The following MAML2 variants were observed in gnomAD, a reference collection of about 807,000 sequenced individuals.
The protein encoded by MAML2 is mastermind-like protein 2.
A neutral mutation model predicts 96.1 loss-of-function variants in MAML2; 22 were observed. The ratio of observed to expected loss-of-function variants is 0.23; its 90% CI spans 0.16 to 0.33. MAML2 has a LOEUF of 0.33. MAML2 is among the 10% of genes least tolerant of loss of function. The pLI is 1.00. For synonymous variants in MAML2, 561 were observed against 521.3 expected (o/e 1.08, Z -1.04); for missense variants, 1,367 against 1,392.4 (o/e 0.98, Z 0.29).
intron 1 of MAML2, among the ~76,000 whole-genome samples, chr11:96,265,420 G>T (rs569732706): frequency 6.6e-6 from 1 of 152,298 alleles, no homozygotes; most frequent in African/African-American, 2.4e-5. Flanking sequence ...GTTCAAAAGA[G>T]AAGGAACACA....
intron 1 of MAML2, among the ~76,000 whole-genome samples, chr11:96,193,036 T>C (rs1482162643): frequency 6.6e-6 from 1 of 152,228 alleles, no homozygotes; most frequent in African/African-American, 2.4e-5. Context: ...GGAAACATTT[T>C]ATTCATTCTC....
intron 1 of MAML2, among the ~76,000 whole-genome samples, chr11:96,332,805 T>C (rs927052703): frequency 4.6e-5 from 7 of 152,326 alleles, no homozygotes; most frequent in African/African-American, 1.7e-4. Flanking sequence ...AATGTTTTTA[T>C]TTTTACATAA....
intron 2 of MAML2, among the ~76,000 whole-genome samples, chr11:96,079,882 G>T (rs1859505410): frequency 6.6e-6 from 1 of 152,178 alleles, no homozygotes; most frequent in Admixed American, 6.5e-5. Context: ...GCAGGCCTAG[G>T]GAACACCCAT....
At chr11:96,222,571 T>C (rs1234407982) in intron 1 of MAML2, among the ~76,000 whole-genome samples, 2 of 152,224 alleles carry the variant, frequency 1.3e-5, no homozygotes, top group African/African-American at 4.8e-5. Context: ...TCAGCACGAA[T>C]GCAAGGGATA....
rs539110764 is a variant in MAML2 at position 96,218,609 on chromosome 11, A to T, written c.513+122774T>A. On this transcript the variant is annotated intron_variant, in intron 1 of 4. Transcript: ENST00000524717. ...CTCATTTTAAAATGGAGCATATTTT[A>T]TGGGAATGTATAATACTGACACTTT... Among the ~76,000 whole-genome samples, 5 of 152,246 alleles carry T rather than the reference A, an allele frequency of 3.3e-5. 2 individuals carry two copies. The South Asian group carries it at 1.0e-3, about 32-fold the overall frequency.
At chr11:96,205,401 T>G (rs1861882061) in intron 1 of MAML2, among the ~76,000 whole-genome samples, 1 of 152,248 alleles carries the variant, frequency 6.6e-6, no homozygotes, top group African/African-American at 2.4e-5. Context: ...ATCATGCATT[T>G]AGCATCTAAT....
chr11:96,108,630 A>G lies in MAML2; in HGVS notation c.514-15113T>C, dbSNP rs531212680. ...GACTGCTTAAAGCAGTTTCTGACAC[A>G]TAGAAACTGACCAATAATACCAGCT... On this transcript the variant is annotated intron_variant, in intron 1 of 4. Transcript: ENST00000524717. 1.9e-4 allele frequency among the ~76,000 whole-genome samples: 29 copies of G among 152,334 alleles called. No individual in the cohort carries two copies. In the South Asian group the frequency reaches 5.2e-3, roughly 27 times the overall value.
At chr11:96,098,096 T>C (rs1252848896) in intron 1 of MAML2, among the ~76,000 whole-genome samples, 1 of 152,174 alleles carries the variant, frequency 6.6e-6, no homozygotes, top group East Asian at 1.9e-4. Flanking sequence ...GAAGATGCCT[T>C]GTGAGCACAG....
chr11:96,019,697 A>AATAAT (rs1858407674), intron 2 of MAML2, among the ~76,000 whole-genome samples: 1 of 148,100 alleles, frequency 6.8e-6, no homozygotes, highest in Admixed American at 6.8e-5. Flanking sequence ...TAATAATAAT[A>AATAAT]ATAATAATAA....
chr11:96,324,145 C>T (rs541679927), intron 1 of MAML2, among the ~76,000 whole-genome samples: 8 of 152,284 alleles, frequency 5.3e-5, no homozygotes, highest in Non-Finnish European at 8.8e-5. Context: ...TGCTCCTATA[C>T]GAGGTGCGAA....
chr11:96,238,205 A>G (rs921056901), intron 1 of MAML2, among the ~76,000 whole-genome samples: 1 of 152,232 alleles, frequency 6.6e-6, no homozygotes, highest in African/African-American at 2.4e-5. Context: ...CATTTACACT[A>G]TTACAGAGTC....
chr11:96,321,197 T>C (rs1863695546), intron 1 of MAML2, among the ~76,000 whole-genome samples: 1 of 152,196 alleles, frequency 6.6e-6, no homozygotes, highest in Non-Finnish European at 1.5e-5. Context: ...CTGAGCACAG[T>C]TGCCCTCTTG....
intron 2 of MAML2, among the ~76,000 whole-genome samples, chr11:96,001,771 A>G (rs1469135947): frequency 6.6e-6 from 1 of 152,048 alleles, no homozygotes; most frequent in Non-Finnish European, 1.5e-5. Flanking sequence ...TCACGTCCTA[A>G]CTCCCAAGAA....
chr11:96,189,981 A>T (rs982487798), intron 1 of MAML2, among the ~76,000 whole-genome samples: 2 of 152,256 alleles, frequency 1.3e-5, no homozygotes, highest in African/African-American at 4.8e-5. Flanking sequence ...TGACACAAAG[A>T]TAAAAAAAAT....
intron 2 of MAML2, among the ~76,000 whole-genome samples, chr11:95,996,571 A>C (rs1343169044): frequency 6.6e-6 from 1 of 152,198 alleles, no homozygotes; most frequent in Non-Finnish European, 1.5e-5. Flanking sequence ...TTTGTAAAAG[A>C]TTTTTAAATC....
intron 1 of MAML2, among the ~76,000 whole-genome samples, chr11:96,164,742 T>C (rs570911395): frequency 1.9e-4 from 29 of 152,324 alleles, no homozygotes; most frequent in African/African-American, 2.4e-4. Flanking sequence ...CCGCGGACCA[T>C]GTACCCTTTG....
chr11:96,120,873 G>A (rs897448062), intron 1 of MAML2, among the ~76,000 whole-genome samples: 3 of 152,228 alleles, frequency 2.0e-5, no homozygotes, highest in Middle Eastern at 3.4e-3. Flanking sequence ...AGGAGAAACC[G>A]AAGAATGCAG....
At chr11:96,163,118 T>C (rs1234317236) in intron 1 of MAML2, among the ~76,000 whole-genome samples, 5 of 152,210 alleles carry the variant, frequency 3.3e-5, no homozygotes, top group Admixed American at 2.0e-4. Context: ...GTGCACACTA[T>C]AAACGTTCCG....
chr11:96,111,960 A>T (rs1860131567), intron 1 of MAML2, among the ~76,000 whole-genome samples: 1 of 151,688 alleles, frequency 6.6e-6, no homozygotes, highest in Admixed American at 6.6e-5. Flanking sequence ...TCTAAAAAAA[A>T]AAGAAAGTTG....
Sources: allele counts gnomAD v4.1 joint callset (sites outside exome capture counted in the v4.1 genomes callset), GRCh38; gene constraint gnomAD v4.1.1; transcripts MANE v1.5; gene names NCBI Gene and HGNC (gene_info 2026-07-23, HGNC 2026-07-21).